PSMA5: variants seen among roughly 807,000 people sequenced by gnomAD.
PSMA5 encodes proteasome subunit alpha type-5.
A neutral mutation model predicts 34.5 loss-of-function variants in PSMA5; 3 were observed. That is an observed-to-expected ratio of 0.09 (90% CI 0.04 to 0.22). The LOEUF (loss-of-function observed/expected upper bound fraction) is 0.22, where lower values mean the gene tolerates loss of function less well. PSMA5 is among the 10% of genes least tolerant of loss of function. The probability of loss-of-function intolerance (pLI) is 1.00; values close to 1 mark genes in which losing one functional copy is unlikely to be tolerated. For missense variants in PSMA5, 120 were observed against 286.1 expected (o/e 0.42, Z 4.19); for synonymous variants, 88 against 95.8 (o/e 0.92, Z 0.47).
intron 5 of PSMA5, 38 bp downstream of exon 5, chr1:109,412,039 A>T: frequency 1.3e-6 from 2 of 1,595,790 alleles, no homozygotes; most frequent in Non-Finnish European, 1.7e-6. Context: ...TAAGTCCCAT[A>T]GAACAATAAG....
intron 2 of PSMA5, 120 bp from the exon 3 acceptor site, chr1:109,415,483 CAGAG>C: frequency 6.7e-6 from 7 of 1,045,994 alleles, no homozygotes; most frequent in Non-Finnish European, 9.1e-6. Context: ...ATCTTATAGG[CAGAG>C]AGAAGGAGCA....
intron 1 of PSMA5, among the ~76,000 whole-genome samples, chr1:109,422,308 C>T (rs1654474862): frequency 6.6e-6 from 1 of 152,144 alleles, no homozygotes; most frequent in African/African-American, 2.4e-5. Context: ...ATCCTCTTCC[C>T]ATAACATGCA....
At chr1:109,424,560 G>A (rs1365257696) in intron 1 of PSMA5, among the ~76,000 whole-genome samples, 1 of 152,164 alleles carries the variant, frequency 6.6e-6, no homozygotes, top group African/African-American at 2.4e-5. Context: ...GGTGGACCAC[G>A]AGGTCAGGAG....
chr1:109,412,332 G>GC, intron 4 of PSMA5, 148 bp from the exon 5 acceptor site: 1 of 611,550 alleles, frequency 1.6e-6, no homozygotes, highest in South Asian at 2.0e-5. Flanking sequence ...GAGTACTTGG[G>GC]AGTACATGAG....
intron 1 of PSMA5, among the ~76,000 whole-genome samples, chr1:109,424,702 C>T (rs10858097): frequency 6.6e-6 from 1 of 150,694 alleles, no homozygotes; most frequent in Non-Finnish European, 1.5e-5. Flanking sequence ...TAAACCCAGG[C>T]GGCAGGCCAG....
At chr1:109,417,781 CA>C (rs1246912382) in intron 2 of PSMA5, among the ~76,000 whole-genome samples, 17 of 151,956 alleles carry the variant, frequency 1.1e-4, no homozygotes, top group Admixed American at 1.1e-3. Context: ...ACTTTTTGAC[CA>C]AAAGCCACAG....
Position 109,400,358 on chromosome 1 carries a change from C to T in PSMA5, c.*1655G>A, listed in dbSNP as rs1009618569. The T allele has an allele frequency of 1.5e-4, 23 of 152,224 alleles. No homozygotes were observed. The highest frequency in any genetic ancestry group is 5.5e-4 in the African/African-American group (23 of 41,454). 9.4% of individuals were successfully genotyped at this position (152,224 alleles called of 1,614,324 possible). A position where few individuals can be genotyped will look rare whatever the true frequency, so the allele number is the denominator to read the frequency against. ...TTGGCTCTCCCCACTAGAAGTTTCA[C>T]AGGAGCACAGATCATATCTACCATT... On this transcript the variant is annotated 3_prime_UTR_variant, in exon 9 of 9. Transcript: ENST00000271308.
intron 8 of PSMA5, among the ~76,000 whole-genome samples, chr1:109,407,278 C>T (rs532092149): frequency 3.3e-4 from 51 of 152,294 alleles, no homozygotes; most frequent in African/African-American, 1.1e-3. Flanking sequence ...TGAGCCACCA[C>T]GCCTGGCCGG....
At chr1:109,402,344 T>C (rs1354669894) in intron 8 of PSMA5, among the ~76,000 whole-genome samples, 4 of 152,130 alleles carry the variant, frequency 2.6e-5, no homozygotes, top group African/African-American at 4.8e-5. Flanking sequence ...CCTGGCATCA[T>C]TGTCACTTCT....
chr1:109,413,292 C>T (rs1219767515), intron 3 of PSMA5, among the ~76,000 whole-genome samples, 157 bp from the exon 4 acceptor site: 1 of 152,198 alleles, frequency 6.6e-6, no homozygotes, highest in South Asian at 2.1e-4. Context: ...ATGATCTGCA[C>T]TGAACCCAAG....
intron 8 of PSMA5, among the ~76,000 whole-genome samples, chr1:109,406,987 T>G (rs988253503): frequency 3.9e-5 from 6 of 152,008 alleles, no homozygotes; most frequent in African/African-American, 1.2e-4. Context: ...GTAACTTGGA[T>G]ATATATATAT....
intron 2 of PSMA5, among the ~76,000 whole-genome samples, chr1:109,417,181 GCCTT>G (rs1654242404): frequency 6.6e-6 from 1 of 152,136 alleles, no homozygotes; most frequent in Admixed American, 6.5e-5. Flanking sequence ...TTAGTTCCAC[GCCTT>G]CCTTAAGTCT....
Position 109,412,061 on chromosome 1 carries a change from G to A in PSMA5, c.399+16C>T. The A allele has an allele frequency of 6.2e-7, 1 of 1,608,774 alleles. No homozygotes were observed. The highest frequency in any genetic ancestry group is 8.5e-7 in the Non-Finnish European group (1 of 1,175,154). ...CATAGAACAATAAGAAAACTCGACA[G>A]AAGTATCACACTCACCATGGCACCT... On this transcript the variant is annotated intron_variant, in intron 5 of 8. Coordinates refer to ENST00000271308, the MANE Select transcript of PSMA5 (RefSeq NM_002790.4).
Position 109,426,397 on chromosome 1 carries a change from C to G in PSMA5, c.-67G>C. The G allele has an allele frequency of 2.5e-6, 4 of 1,594,762 alleles. No homozygotes were observed. Among genetic ancestry groups the G allele is most frequent in the Non-Finnish European group, 2.6e-6 (3 of 1,162,760 alleles). The stretch of plus-strand genomic sequence containing the variant: ...GGACCAACACGACTCCACCGGCACC[C>G]AACTCACCGGCAGCCAACTCACCCA... On this transcript the variant is annotated 5_prime_UTR_variant, in exon 1 of 9. Transcript: ENST00000271308.
intron 2 of PSMA5, among the ~76,000 whole-genome samples, chr1:109,419,669 C>T (rs538560417): frequency 5.7e-4 from 87 of 151,746 alleles, no homozygotes; most frequent in African/African-American, 1.8e-3. Flanking sequence ...TGTGGTGGCA[C>T]GCGCCTGTAA....
At chr1:109,411,969 T>C (rs1654007420) in intron 5 of PSMA5, 34 bp from the exon 6 acceptor site, 6 of 1,597,174 alleles carry the variant, frequency 3.8e-6, no homozygotes, top group African/African-American at 1.3e-5. Flanking sequence ...TTAAGATAAA[T>C]GGCTATAAAG....
At chr1:109,418,358 C>G (rs965684247) in intron 2 of PSMA5, among the ~76,000 whole-genome samples, 12 of 152,128 alleles carry the variant, frequency 7.9e-5, no homozygotes, top group South Asian at 2.1e-4. Flanking sequence ...ACTCTGTTGC[C>G]CACGATGGAG....
intron 1 of PSMA5, among the ~76,000 whole-genome samples, chr1:109,423,783 C>T (rs1343929109): frequency 1.6e-4 from 24 of 152,298 alleles, no homozygotes; most frequent in Non-Finnish European, 4.4e-5. Context: ...TCTCAATGCC[C>T]TCATTACCTT....
Position 109,417,010 on chromosome 1 carries a change from C to T in PSMA5, c.97-1647G>A, listed in dbSNP as rs535412144. Among the ~76,000 whole-genome samples, 19 of 152,302 alleles carry T rather than the reference C, an allele frequency of 1.2e-4. No homozygotes were observed. In the South Asian group the frequency reaches 1.5e-3, roughly 12 times the overall value. ...CTCCCAGCTACGCGGAAGGCTGAAA[C>T]GGTAGGACTGCTTGAGCCCGGGAGG... is the stretch of plus-strand genomic sequence containing the variant. On this transcript the variant is annotated intron_variant, in intron 2 of 8. Coordinates refer to ENST00000271308, the MANE Select transcript of PSMA5 (RefSeq NM_002790.4).
Sources: allele counts gnomAD v4.1 joint callset (sites outside exome capture counted in the v4.1 genomes callset), GRCh38; gene constraint gnomAD v4.1.1; transcripts MANE v1.5; gene names NCBI Gene and HGNC (gene_info 2026-07-23, HGNC 2026-07-21).